Variants in PCDHA9 observed in about 807,000 individuals in gnomAD.
The protein encoded by PCDHA9 is protocadherin alpha-9.
A neutral mutation model predicts 62.0 loss-of-function variants in PCDHA9; 62 were observed. That is an observed-to-expected ratio of 1.00 (90% confidence interval 0.81 to 1.23). The LOEUF is 1.23. PCDHA9 is among the 50% of genes most tolerant of loss of function. The probability of loss-of-function intolerance (pLI) is 0.00; values close to 1 mark genes in which losing one functional copy is unlikely to be tolerated. For synonymous variants in PCDHA9, 557 were observed against 567.6 expected (o/e 0.98, Z 0.27); for missense variants, 1,205 against 1,249.8 (o/e 0.96, Z 0.54).
rs1165097192 is a variant in PCDHA9, at chr5:140,945,230, A to G, written c.2395-33719A>G. Among the ~76,000 whole-genome samples the G allele has an allele frequency of 2.6e-5, 4 of 152,290 alleles. No individual in the cohort carries two copies. In the East Asian group the frequency reaches 7.7e-4, roughly 29 times the overall value. On this transcript the variant is annotated intron_variant, in intron 1 of 3. Transcript: ENST00000532602. ...TATGAGAAAATAAAAATACTTAGGA[A>G]TAAATTTAACCAAGAGGATGAAAGA...
intron 1 of PCDHA9, among the ~76,000 whole-genome samples, chr5:140,957,407 ATTG>A (rs2095357259): frequency 6.6e-6 from 1 of 152,156 alleles, no homozygotes; most frequent in Non-Finnish European, 1.5e-5. Context: ...ATTTATTATT[ATTG>A]TTGTTAATCT....
chr5:140,882,990 A>C, intron 1 of PCDHA9: 1 of 1,614,130 alleles, frequency 6.2e-7, no homozygotes, highest in East Asian at 2.2e-5. Context: ...AACGCCCCGG[A>C]ATTTTACCAA....
intron 1 of PCDHA9, among the ~76,000 whole-genome samples, chr5:140,902,916 A>G (rs940228069): frequency 2.0e-5 from 3 of 152,174 alleles, no homozygotes; most frequent in African/African-American, 4.8e-5. Context: ...GCTGAGTAGT[A>G]TTGCATGGTG....
At chr5:140,858,285 G>C in intron 1 of PCDHA9, 1 of 1,597,520 alleles carries the variant, frequency 6.3e-7, no homozygotes, top group Non-Finnish European at 8.6e-7. Context: ...GTGGGGAGCT[G>C]GTCTTACTCG....
At chr5:140,895,339 T>C (rs1331642230) in intron 1 of PCDHA9, among the ~76,000 whole-genome samples, 3 of 152,196 alleles carry the variant, frequency 2.0e-5, no homozygotes, top group African/African-American at 4.8e-5. Context: ...ATTGTTTTAC[T>C]ATGCTTTCCA....
intron 1 of PCDHA9, chr5:140,967,981 G>C: frequency 6.2e-7 from 1 of 1,614,202 alleles, no homozygotes; most frequent in Non-Finnish European, 8.5e-7. Flanking sequence ...TGGGTCTGGA[G>C]GCCACACTGC....
In PCDHA9 at chr5:140,850,319, A is replaced by T. The variant is rs1407979146; in HGVS notation, c.1824A>T (p.Ser608=). Residue 608 remains serine, a synonymous_variant, in exon 1 of 4, where the codon TCA becomes TCT. Transcript: ENST00000532602. ...ACTCGGGCTACAACGCGTGGCTTTC[A>T]TACGAGCTGCAGCCAGAAACGGCCA... ...DADSGYNAWL[S]YELQPETASA... 3.1e-6 allele frequency: 5 copies of T among 1,597,446 alleles called. No individual in the cohort carries two copies. In the African/African-American group the frequency reaches 6.7e-5, roughly 21 times the overall value.
chr5:140,948,240 T>C (rs1554218495), intron 1 of PCDHA9, among the ~76,000 whole-genome samples: 1 of 151,684 alleles, frequency 6.6e-6, no homozygotes, highest in East Asian at 1.9e-4. Flanking sequence ...TGTATTTTAG[T>C]AAATATTTTT....
intron 1 of PCDHA9, among the ~76,000 whole-genome samples, chr5:140,941,768 T>C (rs576405772): frequency 2.6e-5 from 4 of 152,254 alleles, no homozygotes; most frequent in Non-Finnish European, 5.9e-5. Context: ...TTTAAGATAA[T>C]TGTTTTAATG....
intron 1 of PCDHA9, chr5:140,858,003 A>G: frequency 6.3e-7 from 1 of 1,596,628 alleles, no homozygotes; most frequent in Non-Finnish European, 8.6e-7. Flanking sequence ...CTGGTGAAGG[A>G]CCATGGCGAG....
rs551245842 is a variant in PCDHA9, at chr5:140,927,508, C to G, written c.2395-51441C>G. 3.7e-6 allele frequency: 6 copies of G among 1,614,074 alleles called. No individual in the cohort carries two copies. In the Admixed American group the frequency reaches 5.0e-5, roughly 13 times the overall value. ...CACCCACCTGCTGGTGCTTACAGCT[C>G]GGGACGGCGGGCTACCTGCCCGCTC... On this transcript the variant is annotated intron_variant, in intron 1 of 3. Coordinates refer to ENST00000532602, the MANE Select transcript of PCDHA9 (RefSeq NM_031857.2).
At chr5:140,889,231 T>G (rs1456128446) in intron 1 of PCDHA9, among the ~76,000 whole-genome samples, 2 of 151,912 alleles carry the variant, frequency 1.3e-5, no homozygotes, top group Non-Finnish European at 2.9e-5. Flanking sequence ...TTTGAAAACT[T>G]CCAGAAAATT....
chr5:140,870,224 C>T, intron 1 of PCDHA9: 1 of 1,614,184 alleles, frequency 6.2e-7, no homozygotes, highest in Admixed American at 1.7e-5. Flanking sequence ...ATCAGCGTGT[C>T]TGACCGTGAC....
chr5:140,882,052 C>A (rs2058925535), intron 1 of PCDHA9: 5 of 766,334 alleles, frequency 6.5e-6, no homozygotes, highest in Admixed American at 3.1e-5. Context: ...GTCATACTTA[C>A]ACTTACACGT....
intron 3 of PCDHA9, 79 bp downstream of exon 3, chr5:140,982,642 G>T: frequency 6.5e-7 from 1 of 1,529,982 alleles, no homozygotes; most frequent in Non-Finnish European, 8.8e-7. Flanking sequence ...GATCAGGAAT[G>T]TTGATGGCTC....
intron 1 of PCDHA9, among the ~76,000 whole-genome samples, chr5:140,900,589 C>T (rs782244593): frequency 1.5e-4 from 23 of 152,164 alleles, no homozygotes; most frequent in South Asian, 1.2e-3. Flanking sequence ...TTTCTTTACC[C>T]GTTCATCTGA....
intron 1 of PCDHA9, chr5:140,966,939 TG>T: frequency 1.2e-6 from 2 of 1,604,434 alleles, no homozygotes; most frequent in Non-Finnish European, 1.7e-6. Flanking sequence ...GGCGCGCTCG[TG>T]GGCAACGTGG....
intron 3 of PCDHA9, among the ~76,000 whole-genome samples, chr5:140,988,469 G>A (rs2097299168): frequency 6.6e-6 from 1 of 152,150 alleles, no homozygotes; most frequent in Admixed American, 6.5e-5. Flanking sequence ...GGTGTGGGAA[G>A]GGGAATTAGC....
intron 1 of PCDHA9, chr5:140,856,891 C>A: frequency 6.3e-7 from 1 of 1,596,046 alleles, no homozygotes; most frequent in Non-Finnish European, 8.6e-7. Flanking sequence ...ATTCATTTAG[C>A]TCTTTGGTCC....
Sources: allele counts gnomAD v4.1 joint callset (sites outside exome capture counted in the v4.1 genomes callset), GRCh38; gene constraint gnomAD v4.1.1; transcripts MANE v1.5; gene names NCBI Gene and HGNC (gene_info 2026-07-23, HGNC 2026-07-21).